Variants in BPGM observed in about 807,000 individuals in gnomAD.
BPGM encodes 2,3-bisphosphoglycerate mutase, erythrocyte.
BPGM carries 15 observed loss-of-function variants against 21.6 expected under a neutral mutation model. That is an observed-to-expected ratio of 0.70 (90% CI 0.47 to 1.07). The LOEUF (loss-of-function observed/expected upper bound fraction) is 1.07, where lower values mean the gene tolerates loss of function less well. BPGM is among the 50% of genes least tolerant of loss of function. BPGM has a pLI of 0.00. For missense variants in BPGM, 273 were observed against 319.0 expected (o/e 0.86, Z 1.10); for synonymous variants, 113 against 116.2 (o/e 0.97, Z 0.18).
At chr7:134,651,433 C>T (rs1795553322) in intron 1 of BPGM, among the ~76,000 whole-genome samples, 1 of 151,932 alleles carries the variant, frequency 6.6e-6, no homozygotes, top group African/African-American at 2.4e-5. Flanking sequence ...GGATGAGCCT[C>T]AGTTATGGGG....
At chr7:134,677,532 G>T (rs1212812542) in intron 2 of BPGM, among the ~76,000 whole-genome samples, 1 of 152,274 alleles carries the variant, frequency 6.6e-6, no homozygotes, top group East Asian at 1.9e-4. Flanking sequence ...CCAGTGCTAC[G>T]ATTCTGTGAC....
rs1394505010 is a variant in BPGM at position 134,661,005 on chromosome 7, T to A, written c.-61-442T>A. Among the ~76,000 whole-genome samples, 1 of 152,204 alleles carries A rather than the reference T, an allele frequency of 6.6e-6. No individual in the cohort carries two copies. Among genetic ancestry groups the A allele is most frequent in the Non-Finnish European group, 1.5e-5 (1 of 68,032 alleles). On this transcript the variant is annotated intron_variant, in intron 1 of 2. Transcript: ENST00000344924. The surrounding 1 kb of genome is among the most constrained non-coding windows in gnomAD (Gnocchi z 4.6). Reference sequence around the variant, plus strand: ...TAAGAATGTGAGACTGGTAAATACTTCTTTTTCCACCACAGGAAAACAAAG... The same window carrying A: ...TAAGAATGTGAGACTGGTAAATACTACTTTTTCCACCACAGGAAAACAAAG...
At chr7:134,664,318 C>T (rs76983762) in intron 2 of BPGM, among the ~76,000 whole-genome samples, 1 of 152,126 alleles carries the variant, frequency 6.6e-6, no homozygotes, top group South Asian at 2.1e-4. Flanking sequence ...CTCTAGGAGA[C>T]AATTCTTCCT....
At chr7:134,649,710 G>A (rs1795526337) in intron 1 of BPGM, among the ~76,000 whole-genome samples, 1 of 152,186 alleles carries the variant, frequency 6.6e-6, no homozygotes, top group African/African-American at 2.4e-5. Flanking sequence ...AAAGCATTTG[G>A]ATTGCAGAAT....
intron 2 of BPGM, among the ~76,000 whole-genome samples, chr7:134,665,656 A>G (rs1795808781): frequency 1.4e-5 from 2 of 144,724 alleles, no homozygotes; most frequent in Non-Finnish European, 3.0e-5. Flanking sequence ...AATGAAAAAA[A>G]AAAAAAAAAA....
intron 1 of BPGM, chr7:134,658,285 T>C (rs1363552215): frequency 6.6e-6 from 1 of 152,212 alleles, no homozygotes; most frequent in Non-Finnish European, 1.5e-5. Flanking sequence ...GTGGTCTGAC[T>C]CTAAGTCTTG....
At chr7:134,676,052 A>C (rs1795979639) in intron 2 of BPGM, among the ~76,000 whole-genome samples, 1 of 152,236 alleles carries the variant, frequency 6.6e-6, no homozygotes, top group African/African-American at 2.4e-5. Flanking sequence ...TATTGTTCTT[A>C]TATCTGCAGC....
chr7:134,667,162 A>G (rs1217557007), intron 2 of BPGM, among the ~76,000 whole-genome samples: 1 of 152,094 alleles, frequency 6.6e-6, no homozygotes, highest in African/African-American at 2.4e-5. Flanking sequence ...AATCTCCCCT[A>G]CTGTTTAGGG....
At chr7:134,647,955 G>C (rs577125341) in intron 1 of BPGM, among the ~76,000 whole-genome samples, 1 of 151,598 alleles carries the variant, frequency 6.6e-6, no homozygotes, top group South Asian at 2.1e-4. Flanking sequence ...AGGCCACCAC[G>C]CCTGGCTGAT....
chr7:134,673,624 G>C (rs2131459107), intron 2 of BPGM, among the ~76,000 whole-genome samples: 1 of 152,338 alleles, frequency 6.6e-6, no homozygotes, highest in Non-Finnish European at 1.5e-5. Context: ...CAGTGTGTTA[G>C]CTGGGGATCA....
intron 2 of BPGM, among the ~76,000 whole-genome samples, chr7:134,671,363 CTTT>C (rs563524361): frequency 2.2e-5 from 3 of 133,944 alleles, no homozygotes; most frequent in African/African-American, 2.8e-5. Flanking sequence ...ACATTTTGTT[CTTT>C]TTTTTTTTTT....
chr7:134,679,127 G>C lies in BPGM; in HGVS notation c.*96G>C. On this transcript the variant is annotated 3_prime_UTR_variant, in exon 3 of 3. Coordinates refer to ENST00000344924, the MANE Select transcript of BPGM (RefSeq NM_001724.5). ...CTCTCTCTTTTTCCCCGATTTTCCA[G>C]AGCTAGGCTGTGGAGTAGAGTTTGT... 7.2e-7 allele frequency: 1 copy of C among 1,396,126 alleles called. No homozygotes were observed. The highest frequency in any genetic ancestry group is 9.9e-7 in the Non-Finnish European group (1 of 1,008,522). The allele number at this position is 1,396,126 out of a possible 1,614,324, so 86.5% of individuals were successfully genotyped here. A position where few individuals can be genotyped will look rare whatever the true frequency, so the allele number is the denominator to read the frequency against.
chr7:134,649,344 G>A (rs1795520335), intron 1 of BPGM, among the ~76,000 whole-genome samples: 1 of 152,158 alleles, frequency 6.6e-6, no homozygotes, highest in African/African-American at 2.4e-5. Flanking sequence ...GCAGAAAAAT[G>A]TCACTTAGAA....
chr7:134,675,339 C>G (rs1244897520), intron 2 of BPGM, among the ~76,000 whole-genome samples: 1 of 152,048 alleles, frequency 6.6e-6, no homozygotes, highest in East Asian at 1.9e-4. Flanking sequence ...GTGATGAAGA[C>G]TTTACTCCTA....
At position 134,661,285 on chromosome 7, in the gene BPGM, C is replaced by T. The variant is rs1224265219; in HGVS notation, c.-61-162C>T. Among the ~76,000 whole-genome samples, 6 of 152,166 alleles carry T rather than the reference C, an allele frequency of 3.9e-5. No homozygotes were observed. Among genetic ancestry groups the T allele is most frequent in the African/African-American group, 1.4e-4 (6 of 41,436 alleles). On this transcript the variant is annotated intron_variant, in intron 1 of 2. Coordinates refer to ENST00000344924, the MANE Select transcript of BPGM (RefSeq NM_001724.5). The surrounding 1 kb of genome is among the most constrained non-coding windows in gnomAD (Gnocchi z 4.6). ...ATTCCCTGTAATGAATTATTAATAT[C>T]TATAGAATATGCCTGTATGTGTCAC... is the stretch of plus-strand genomic sequence containing the variant.
At chr7:134,667,221 G>A (rs1006938826) in intron 2 of BPGM, among the ~76,000 whole-genome samples, 2 of 152,222 alleles carry the variant, frequency 1.3e-5, no homozygotes, top group Non-Finnish European at 2.9e-5. Context: ...GCCAGTTCAT[G>A]TGTATGTGTT....
chr7:134,664,963 T>A (rs1322360764), intron 2 of BPGM, among the ~76,000 whole-genome samples: 2 of 152,212 alleles, frequency 1.3e-5, no homozygotes, highest in Non-Finnish European at 2.9e-5. Context: ...GCAAGTGATT[T>A]GCTGATGGGT....
chr7:134,658,848 G>A (rs117003588), intron 1 of BPGM, among the ~76,000 whole-genome samples: 4,050 of 148,568 alleles, frequency 0.027, 66 homozygotes, highest in Non-Finnish European at 0.041. Flanking sequence ...CATAGTTTTT[G>A]TGACTGCAGT....
rs746324509 is a variant in BPGM, at chr7:134,655,754, CAT to C, written c.-61-5692_-61-5691del. ...CACTAAAACTCTCAAGCCTTAGTCTCATGTGTACAATCCAGTCATTTCTGTCT... is the reference window on the plus strand; with the variant it reads ...CACTAAAACTCTCAAGCCTTAGTCTCGTGTACAATCCAGTCATTTCTGTCT... On this transcript the variant is annotated intron_variant, in intron 1 of 2. Transcript: ENST00000344924. Among the ~76,000 whole-genome samples the C allele has an allele frequency of 1.5e-3, 234 of 152,318 alleles. 1 individual carries two copies. Among genetic ancestry groups the C allele is most frequent in the Non-Finnish European group, 2.9e-3 (194 of 68,024 alleles).
Sources: allele counts gnomAD v4.1 joint callset (sites outside exome capture counted in the v4.1 genomes callset), GRCh38; gene constraint gnomAD v4.1.1; non-coding constraint Gnocchi (gnomAD v3.1); transcripts MANE v1.5; gene names NCBI Gene and HGNC (gene_info 2026-07-23, HGNC 2026-07-21).